GRIK4: variants seen among roughly 807,000 people sequenced by gnomAD.
GRIK4 encodes glutamate ionotropic receptor kainate type subunit 4.
GRIK4 carries 40 observed loss-of-function variants against 104.9 expected under a neutral mutation model. The observed-to-expected ratio is 0.38, with a 90% CI of 0.30 to 0.50. The LOEUF is 0.50. GRIK4 is among the 20% of genes least tolerant of loss of function. The pLI, the probability that GRIK4 is intolerant of heterozygous loss-of-function variation, is 0.93. For missense variants in GRIK4, 1,047 were observed against 1,308.1 expected, an observed-to-expected ratio of 0.80 and a Z score of 3.08; for synonymous variants, 485 against 524.9, an observed-to-expected ratio of 0.92 and a Z score of 1.04.
chr11:120,654,881 C>G (rs2135226686), intron 2 of GRIK4, among the ~76,000 whole-genome samples: 1 of 152,272 alleles, frequency 6.6e-6, no homozygotes, highest in South Asian at 2.1e-4. Flanking sequence ...GACCAAGCCC[C>G]AGGCACAGAA....
At position 120,549,813 on chromosome 11, in the gene GRIK4, C is replaced by T. The variant is rs1948122043; in HGVS notation, c.-159+37926C>T. ...AGGGACCAAGGAATCAACTGAACGG[C>T]CAGGCTGCTGCCAGTCTATGCAGCC... On this transcript the variant is annotated intron_variant, in intron 1 of 20. Coordinates refer to ENST00000527524, the MANE Select transcript of GRIK4 (RefSeq NM_014619.5). This position sits in a 1 kb window ranked among gnomAD's most constrained non-coding sequence, Gnocchi z 4.7. 6.6e-6 allele frequency among the ~76,000 whole-genome samples: 1 copy of T among 152,206 alleles called. No homozygotes were observed. Among genetic ancestry groups the T allele is most frequent in the Admixed American group, 6.5e-5 (1 of 15,288 alleles).
chr11:120,561,346 T>C (rs1448655470), intron 1 of GRIK4, among the ~76,000 whole-genome samples: 1 of 152,228 alleles, frequency 6.6e-6, no homozygotes, highest in Non-Finnish European at 1.5e-5. Context: ...TCAAGGCGCC[T>C]GCTACTGGGC....
chr11:120,763,770 ATTCTGAG>A (rs1228035730), intron 3 of GRIK4, among the ~76,000 whole-genome samples: 4 of 152,136 alleles, frequency 2.6e-5, no homozygotes, highest in African/African-American at 4.8e-5. Flanking sequence ...GAGTTTCTTA[ATTCTGAG>A]TTCTAATTTG....
At chr11:120,773,536 A>T (rs1407319693) in intron 3 of GRIK4, among the ~76,000 whole-genome samples, 3 of 152,192 alleles carry the variant, frequency 2.0e-5, no homozygotes, top group Non-Finnish European at 4.4e-5. Flanking sequence ...GGCAGCCTGG[A>T]GTGGGGAAGT....
In GRIK4 at chr11:120,986,407, A is replaced by G; in HGVS notation, c.*147A>G. Reference sequence around the variant, plus strand: ...CAGTCACTTTTCAAAAAGATCAAGGAGCCTGACGCCCCAGCCAGAGACCGC... The same window carrying G: ...CAGTCACTTTTCAAAAAGATCAAGGGGCCTGACGCCCCAGCCAGAGACCGC... On this transcript the variant is annotated 3_prime_UTR_variant, in exon 21 of 21. Transcript: ENST00000527524. 9.0e-7 allele frequency: 1 copy of G among 1,113,714 alleles called. No individual in the cohort carries two copies. The highest frequency in any genetic ancestry group is 1.2e-6 in the Non-Finnish European group (1 of 835,040). The allele number at this position is 1,113,714 out of a possible 1,614,324, so 69.0% of individuals were successfully genotyped here.
intron 9 of GRIK4, chr11:120,870,107 A>G (rs1954559451): frequency 6.6e-6 from 1 of 152,272 alleles, no homozygotes; most frequent in South Asian, 2.1e-4. Context: ...CAAGCCCCTC[A>G]TTCCAGGCCT....
intron 13 of GRIK4, among the ~76,000 whole-genome samples, chr11:120,909,171 T>A (rs996993905): frequency 6.6e-6 from 1 of 152,238 alleles, no homozygotes; most frequent in Admixed American, 6.5e-5. Flanking sequence ...AGACTGGAAC[T>A]TCCCTTTGTG....
chr11:120,590,223 C>T (rs1948718094), intron 1 of GRIK4, among the ~76,000 whole-genome samples: 2 of 152,140 alleles, frequency 1.3e-5, no homozygotes, highest in Admixed American at 6.5e-5. Flanking sequence ...GACACCCTGC[C>T]TTCACCTTGA....
intron 3 of GRIK4, among the ~76,000 whole-genome samples, chr11:120,780,712 T>G (rs1003339497): frequency 2.2e-4 from 34 of 151,736 alleles, no homozygotes; most frequent in Non-Finnish European, 4.1e-4. Context: ...TTATCCGGGG[T>G]TTTTTTTGTT....
chr11:120,681,449 C>T (rs1035015907), intron 3 of GRIK4, among the ~76,000 whole-genome samples: 2 of 152,198 alleles, frequency 1.3e-5, no homozygotes, highest in African/African-American at 4.8e-5. Flanking sequence ...GCGCCTTTAG[C>T]CTCCCTCCTG....
chr11:120,811,786 A>G (rs1952833957), intron 4 of GRIK4, among the ~76,000 whole-genome samples: 1 of 152,214 alleles, frequency 6.6e-6, no homozygotes, highest in Non-Finnish European at 1.5e-5. Flanking sequence ...ATAATATTCC[A>G]TTTGGGCATA....
Position 120,846,974 on chromosome 11 carries a change from G to A in GRIK4, c.744+10130G>A, listed in dbSNP as rs186067971. On this transcript the variant is annotated intron_variant, in intron 8 of 20. Transcript: ENST00000527524. Reference sequence around the variant, plus strand: ...GGGGAGCACCCCTGTCTTCTGAGCTGTCTTGATCTCTCACCACCCCCTTAC... The same window carrying A: ...GGGGAGCACCCCTGTCTTCTGAGCTATCTTGATCTCTCACCACCCCCTTAC... Among the ~76,000 whole-genome samples the A allele has an allele frequency of 4.6e-5, 7 of 152,292 alleles. No individual in the cohort carries two copies. In the East Asian group the frequency reaches 1.4e-3, roughly 29 times the overall value.
chr11:120,936,263 C>T lies in GRIK4; in HGVS notation c.1477-4084C>T, dbSNP rs1056833337. 1.4e-4 allele frequency: 70 copies of T among 502,224 alleles called. No homozygotes were observed. In the Admixed American group the frequency reaches 1.4e-3, roughly 10 times the overall value. 31.1% of individuals were successfully genotyped at this position (502,224 alleles called of 1,614,324 possible). ...CTAGTCATCTGCCGCCGTGTTAGTC[C>T]ACATCTTCCAGCTCCTTTGCAACAT... On this transcript the variant is annotated intron_variant, in intron 13 of 20. Transcript: ENST00000527524.
intron 8 of GRIK4, among the ~76,000 whole-genome samples, chr11:120,852,743 C>T (rs1453448798): frequency 3.3e-5 from 5 of 152,148 alleles, no homozygotes; most frequent in Admixed American, 6.5e-5. Context: ...AGACGGGTAC[C>T]GCAGTCAAGT....
chr11:120,552,137 C>G (rs1435654639), intron 1 of GRIK4, among the ~76,000 whole-genome samples: 1 of 152,184 alleles, frequency 6.6e-6, no homozygotes, highest in Non-Finnish European at 1.5e-5. Flanking sequence ...CCAGAATTTC[C>G]CCCGGGGCCT....
chr11:120,679,421 T>C (rs925884420), intron 3 of GRIK4, among the ~76,000 whole-genome samples: 9 of 152,184 alleles, frequency 5.9e-5, no homozygotes, highest in Middle Eastern at 3.2e-3. Flanking sequence ...GCTCTTGGCT[T>C]CTCTGTTCTT....
chr11:120,934,782 C>T (rs1367264707), intron 13 of GRIK4, among the ~76,000 whole-genome samples: 3 of 152,174 alleles, frequency 2.0e-5, no homozygotes, highest in Non-Finnish European at 4.4e-5. Flanking sequence ...TGTGGGGGCG[C>T]ACATCCGCCC....
rs980122286 is a variant in GRIK4 at position 120,903,378 on chromosome 11, G to A, written c.1273-1912G>A. ...TTCAGCACAACTCTGGGGCCAGCAC[G>A]AGCTCCCTTCTCTCTGTGAACCCAC... On this transcript the variant is annotated intron_variant, in intron 12 of 20. Transcript: ENST00000527524. The surrounding 1 kb of genome is among the most constrained non-coding windows in gnomAD (Gnocchi z 4.4). Among the ~76,000 whole-genome samples, 1 of 151,886 alleles carries A rather than the reference G, an allele frequency of 6.6e-6. No individual in the cohort carries two copies. Among genetic ancestry groups the A allele is most frequent in the African/African-American group, 2.4e-5 (1 of 41,346 alleles).
chr11:120,755,290 G>T (rs1387075567), intron 3 of GRIK4, among the ~76,000 whole-genome samples: 1 of 152,078 alleles, frequency 6.6e-6, no homozygotes, highest in Admixed American at 6.5e-5. Flanking sequence ...GGTGCTCAGG[G>T]AGCCCTGGGG....
Sources: allele counts gnomAD v4.1 joint callset (sites outside exome capture counted in the v4.1 genomes callset), GRCh38; gene constraint gnomAD v4.1.1; non-coding constraint Gnocchi (gnomAD v3.1); transcripts MANE v1.5; gene names NCBI Gene and HGNC (gene_info 2026-07-23, HGNC 2026-07-21).